LRP1B: variants seen among roughly 807,000 people sequenced by gnomAD.
The protein encoded by LRP1B is LDL receptor related protein 1B, also known as low-density lipoprotein receptor-related protein 1B.
LRP1B carries 217 observed loss-of-function variants against 556.6 expected under a neutral mutation model. The ratio of observed to expected loss-of-function variants is 0.39; its 90% confidence interval spans 0.35 to 0.44. The LOEUF (loss-of-function observed/expected upper bound fraction) is 0.44. Ranked by LOEUF, LRP1B falls within the 20% of genes least tolerant of loss-of-function variation. The probability of loss-of-function intolerance (pLI) is 1.00; values close to 1 mark genes in which losing one functional copy is unlikely to be tolerated. For missense variants in LRP1B, 5,053 were observed against 5,620.8 expected, an observed-to-expected ratio of 0.90 and a Z score of 3.23; for synonymous variants, 2,047 against 1,865.8, an observed-to-expected ratio of 1.10 and a Z score of -2.50.
At chr2:140,593,725 C>T (rs1682318696) in intron 43 of LRP1B, among the ~76,000 whole-genome samples, 2 of 151,796 alleles carry the variant, frequency 1.3e-5, no homozygotes, top group African/African-American at 4.8e-5. Context: ...AATAATAAAA[C>T]TCGACATTCA....
rs6740137 is a variant in LRP1B at position 140,530,471 on chromosome 2, G to A, written c.7762+3550C>T. Reference sequence around the variant, plus strand: ...AATATAAGTCTTTATCAGACAGCCCGGCTTATGGGTTATGGACCCAGGGAA... The same window carrying A: ...AATATAAGTCTTTATCAGACAGCCCAGCTTATGGGTTATGGACCCAGGGAA... On this transcript the variant is annotated intron_variant, in intron 47 of 90. Coordinates refer to ENST00000389484, the MANE Select transcript of LRP1B (RefSeq NM_018557.3). 7.4e-4 allele frequency among the ~76,000 whole-genome samples: 112 copies of A among 152,102 alleles called. 1 individual carries two copies. Among genetic ancestry groups the A allele is most frequent in the Middle Eastern group, 3.4e-3 (1 of 294 alleles).
At chr2:141,365,113 A>G (rs893005788) in intron 3 of LRP1B, among the ~76,000 whole-genome samples, 1 of 152,166 alleles carries the variant, frequency 6.6e-6, no homozygotes, top group Admixed American at 6.5e-5. Flanking sequence ...ATATGAACCA[A>G]TGGAGAAAGA....
At chr2:140,982,097 G>T (rs970703413) in intron 18 of LRP1B, 63 bp downstream of exon 18, 1 of 1,254,422 alleles carries the variant, frequency 8.0e-7, no homozygotes, top group Non-Finnish European at 1.2e-6. Context: ...TAAGGAGGGT[G>T]TAGTGGTAGG....
chr2:141,323,890 C>CCACA (rs58218723), intron 3 of LRP1B, among the ~76,000 whole-genome samples: 4,077 of 140,552 alleles, frequency 0.029, 211 homozygotes, highest in African/African-American at 0.1. Flanking sequence ...AACAAGGAAA[C>CCACA]CACACACACA....
At chr2:141,647,458 A>G (rs576883958) in intron 2 of LRP1B, among the ~76,000 whole-genome samples, 112 of 152,142 alleles carry the variant, frequency 7.4e-4, no homozygotes, top group Non-Finnish European at 1.5e-3. Context: ...TAAGAGCAAC[A>G]TTGCTTCTAT....
intron 20 of LRP1B, among the ~76,000 whole-genome samples, chr2:140,939,928 C>T (rs933270481): frequency 6.7e-6 from 1 of 149,252 alleles, no homozygotes; most frequent in African/African-American, 2.5e-5. Flanking sequence ...ATCTGTCACC[C>T]AGGCTGGAGT....
At chr2:142,099,753 G>T (rs1008409661) in intron 1 of LRP1B, among the ~76,000 whole-genome samples, 2 of 151,698 alleles carry the variant, frequency 1.3e-5, no homozygotes, top group African/African-American at 4.8e-5. Context: ...TAATTAGTTT[G>T]CTCAAGTGCC....
intron 7 of LRP1B, among the ~76,000 whole-genome samples, chr2:141,182,058 G>A (rs561828548): frequency 6.6e-6 from 1 of 151,940 alleles, no homozygotes; most frequent in African/African-American, 2.4e-5. Flanking sequence ...AGTGACAAGG[G>A]ATTACTTTCT....
chr2:140,734,336 A>G (rs964762332), intron 35 of LRP1B, among the ~76,000 whole-genome samples: 1 of 152,230 alleles, frequency 6.6e-6, no homozygotes, highest in Admixed American at 6.5e-5. Flanking sequence ...GACTTGGAAG[A>G]AACTCTCAGA....
intron 23 of LRP1B, among the ~76,000 whole-genome samples, chr2:140,887,437 G>T (rs1215056812): frequency 6.6e-6 from 1 of 152,052 alleles, no homozygotes; most frequent in Admixed American, 6.6e-5. Flanking sequence ...TCCTCCCAGA[G>T]CATTATTTCT....
intron 1 of LRP1B, among the ~76,000 whole-genome samples, chr2:142,076,972 G>T (rs767868059): frequency 6.6e-6 from 1 of 151,986 alleles, no homozygotes; most frequent in Non-Finnish European, 1.5e-5. Context: ...GTGTGTCACA[G>T]AATTAAATGT....
rs1366648754 is a variant in LRP1B at position 141,326,347 on chromosome 2, AATAAGT to A, written c.344-71712_344-71707del. On this transcript the variant is annotated intron_variant, in intron 3 of 90. Coordinates refer to ENST00000389484, the MANE Select transcript of LRP1B (RefSeq NM_018557.3). ...ATTGCCTGAGGTGAGATTTTAAGTT[AATAAGT>A]ATAAGTTAACTCGATAAAGGAAAGG... is the stretch of plus-strand genomic sequence containing the variant. 2.2e-4 allele frequency among the ~76,000 whole-genome samples: 34 copies of A among 152,286 alleles called. No homozygotes were observed. The East Asian group carries it at 4.2e-3, about 19-fold the overall frequency.
At chr2:141,161,236 T>A (rs75985359) in intron 7 of LRP1B, among the ~76,000 whole-genome samples, 32 of 152,238 alleles carry the variant, frequency 2.1e-4, no homozygotes, top group Non-Finnish European at 2.9e-4. Context: ...GAAACAAACA[T>A]GGGATCCTTT....
At chr2:141,544,081 G>C (rs940625591) in intron 2 of LRP1B, among the ~76,000 whole-genome samples, 3 of 151,892 alleles carry the variant, frequency 2.0e-5, no homozygotes, top group Non-Finnish European at 4.4e-5. Flanking sequence ...ATTTTTTCGT[G>C]GTCTTACCCC....
chr2:140,985,875 G>A (rs1696906983), intron 17 of LRP1B, among the ~76,000 whole-genome samples: 2 of 149,182 alleles, frequency 1.3e-5, no homozygotes, highest in Non-Finnish European at 3.0e-5. Context: ...TTTTATTTTT[G>A]TTTTATCTAA....
chr2:141,610,323 A>ATTATTATTATACTGTAAAACTGAAAGT (rs143503631), intron 2 of LRP1B, among the ~76,000 whole-genome samples: 1 of 122,708 alleles, frequency 8.1e-6, no homozygotes. Flanking sequence ...CTTAAAGTAT[A>ATTATTATTATACTGTAAAACTGAAAGT]ATAATAATAA....
At chr2:141,810,678 C>T (rs1056786478) in intron 1 of LRP1B, among the ~76,000 whole-genome samples, 2 of 151,962 alleles carry the variant, frequency 1.3e-5, no homozygotes, top group African/African-American at 4.8e-5. Flanking sequence ...GGGGCTTTAT[C>T]GGATCAAAGA....
At chr2:141,368,489 C>T (rs566544430) in intron 3 of LRP1B, among the ~76,000 whole-genome samples, 1 of 152,310 alleles carries the variant, frequency 6.6e-6, no homozygotes, top group South Asian at 2.1e-4. Flanking sequence ...TCGTACTACA[C>T]ATCCATCATA....
intron 4 of LRP1B, among the ~76,000 whole-genome samples, chr2:141,250,013 G>A (rs1216127533): frequency 6.6e-6 from 1 of 152,072 alleles, no homozygotes; most frequent in Non-Finnish European, 1.5e-5. Context: ...TGGAGAAAGG[G>A]GGTGAGAAAA....
Sources: allele counts gnomAD v4.1 joint callset (sites outside exome capture counted in the v4.1 genomes callset), GRCh38; gene constraint gnomAD v4.1.1; transcripts MANE v1.5; gene names NCBI Gene and HGNC (gene_info 2026-07-23, HGNC 2026-07-21).